The following CSGALNACT1 variants were observed in gnomAD, a reference collection of about 807,000 sequenced individuals.
CSGALNACT1 encodes the protein chondroitin sulfate N-acetylgalactosaminyltransferase 1.
Under a neutral mutation model 51.0 loss-of-function variants are expected in CSGALNACT1, and 52 were observed. The observed-to-expected ratio is 1.02, with a 90% CI of 0.82 to 1.29. The LOEUF (loss-of-function observed/expected upper bound fraction) is 1.29. Ranked by LOEUF, CSGALNACT1 falls within the 50% of genes most tolerant of loss-of-function variation. The pLI, the probability that CSGALNACT1 is intolerant of heterozygous loss-of-function variation, is 0.00. For missense variants in CSGALNACT1, 935 were observed against 679.2 expected (o/e 1.38, Z -4.19); for synonymous variants, 341 against 254.4 (o/e 1.34, Z -3.24).
intron 9 of CSGALNACT1, among the ~76,000 whole-genome samples, chr8:19,407,958 G>A (rs1375330585): frequency 6.6e-6 from 1 of 150,618 alleles, no homozygotes; most frequent in East Asian, 2.0e-4. Flanking sequence ...TGTATTGGCA[G>A]CAACTGCACA....
At chr8:19,555,714 A>T (rs1258707078) in intron 3 of CSGALNACT1, among the ~76,000 whole-genome samples, 2 of 152,148 alleles carry the variant, frequency 1.3e-5, no homozygotes, top group East Asian at 3.9e-4. Flanking sequence ...AGGTTCCAGG[A>T]TTATTGAGAT....
At chr8:19,572,002 A>G (rs764149612) in intron 3 of CSGALNACT1, among the ~76,000 whole-genome samples, 5 of 152,214 alleles carry the variant, frequency 3.3e-5, no homozygotes, top group African/African-American at 9.6e-5. Flanking sequence ...TCCCACATCA[A>G]TGGAACTTGC....
intron 4 of CSGALNACT1, among the ~76,000 whole-genome samples, chr8:19,481,406 G>A (rs2071364734): frequency 6.6e-6 from 1 of 152,056 alleles, no homozygotes; most frequent in Non-Finnish European, 1.5e-5. Context: ...ACATCCTAGG[G>A]CCTAACAAAT....
intron 3 of CSGALNACT1, among the ~76,000 whole-genome samples, chr8:19,539,676 G>A (rs182207469): frequency 6.6e-6 from 1 of 152,312 alleles, no homozygotes; most frequent in East Asian, 1.9e-4. Flanking sequence ...GGCCACAACA[G>A]GAGTATGCAC....
At chr8:19,585,142 G>T (rs1213264500) in intron 3 of CSGALNACT1, 1 of 152,198 alleles carries the variant, frequency 6.6e-6, no homozygotes, top group Non-Finnish European at 1.5e-5. Context: ...CATAGTGCTT[G>T]AACACTCACA....
At chr8:19,528,273 G>C (rs111535995) in intron 3 of CSGALNACT1, among the ~76,000 whole-genome samples, 1,796 of 148,086 alleles carry the variant, frequency 0.012, 37 homozygotes, top group African/African-American at 0.042. Context: ...GACTGAGAAA[G>C]AAAAAGAAAA....
intron 2 of CSGALNACT1, among the ~76,000 whole-genome samples, chr8:19,593,299 A>C: frequency 6.6e-6 from 1 of 152,252 alleles, no homozygotes; most frequent in East Asian, 1.9e-4. Flanking sequence ...AGGAACAGTG[A>C]AAAGAACTGA....
At chr8:19,753,882 G>A (rs1029463953) in intron 1 of CSGALNACT1, among the ~76,000 whole-genome samples, 11 of 152,274 alleles carry the variant, frequency 7.2e-5, no homozygotes, top group Middle Eastern at 3.4e-3. Flanking sequence ...ACACCTTGGA[G>A]TTGTTCAATA....
At position 19,667,100 on chromosome 8, in the gene CSGALNACT1, G is replaced by GAAAGAAAGAAAGAAAGAGAGA. The variant is rs1386376643; in HGVS notation, c.-544+15372_-544+15373insTCTCTCTTTCTTTCTTTCTTT. 5.5e-5 allele frequency among the ~76,000 whole-genome samples: 3 copies of GAAAGAAAGAAAGAAAGAGAGA among 54,102 alleles called. 1 individual carries two copies. Among genetic ancestry groups the GAAAGAAAGAAAGAAAGAGAGA allele is most frequent in the African/African-American group, 1.7e-4 (2 of 11,742 alleles). The allele number at this position is 54,102 out of a possible 152,430, so 35.5% of individuals were successfully genotyped here. ...GAAAGAAAGAAAGAAAGAAAGAAAG[G>GAAAGAAAGAAAGAAAGAGAGA]GAAAGAAATCTCATCACAATATCAA... is the stretch of plus-strand genomic sequence containing the variant. On this transcript the variant is annotated intron_variant, in intron 1 of 9. Transcript: ENST00000332246.
intron 1 of CSGALNACT1, among the ~76,000 whole-genome samples, chr8:19,627,758 G>A (rs988361783): frequency 6.6e-6 from 1 of 152,150 alleles, no homozygotes; most frequent in Non-Finnish European, 1.5e-5. Context: ...CTAGGAGTTC[G>A]AGGCTGCAGT....
chr8:19,578,511 T>A (rs957587618), intron 3 of CSGALNACT1, among the ~76,000 whole-genome samples: 1 of 152,222 alleles, frequency 6.6e-6, no homozygotes, highest in Non-Finnish European at 1.5e-5. Context: ...AGTGACTGTA[T>A]TTGGGGGTAG....
intron 5 of CSGALNACT1, chr8:19,457,379 G>A (rs2064327464): frequency 1.4e-5 from 5 of 345,044 alleles, no homozygotes; most frequent in Middle Eastern, 1.1e-3. Context: ...TTGAGAGGCC[G>A]AGGTGAGCAG....
At chr8:19,433,043 G>C (rs964378195) in intron 6 of CSGALNACT1, among the ~76,000 whole-genome samples, 3 of 151,946 alleles carry the variant, frequency 2.0e-5, no homozygotes, top group African/African-American at 4.8e-5. Context: ...ATGTATTATG[G>C]TAAGCCTAGA....
chr8:19,441,959 A>C (rs1230374249), intron 5 of CSGALNACT1, among the ~76,000 whole-genome samples: 2 of 152,270 alleles, frequency 1.3e-5, no homozygotes, highest in Admixed American at 1.3e-4. Context: ...CCAAAAACAC[A>C]TGAAAAAATG....
chr8:19,566,412 A>T (rs1489199612), intron 3 of CSGALNACT1, among the ~76,000 whole-genome samples: 2 of 152,108 alleles, frequency 1.3e-5, no homozygotes, highest in Non-Finnish European at 2.9e-5. Context: ...GAGAAAATAA[A>T]TTTTTTTGTT....
intron 5 of CSGALNACT1, among the ~76,000 whole-genome samples, chr8:19,440,608 A>G (rs2061162267): frequency 6.6e-6 from 1 of 152,202 alleles, no homozygotes; most frequent in South Asian, 2.1e-4. Flanking sequence ...CACAGCCAAT[A>G]TCATATTGAA....
At chr8:19,419,225 T>C (rs2057467863) in intron 7 of CSGALNACT1, among the ~76,000 whole-genome samples, 1 of 152,180 alleles carries the variant, frequency 6.6e-6, no homozygotes, top group South Asian at 2.1e-4. Flanking sequence ...CAGACAGTCA[T>C]ATCTGCAAAT....
intron 3 of CSGALNACT1, among the ~76,000 whole-genome samples, chr8:19,562,684 C>G (rs986217649): frequency 6.6e-6 from 1 of 152,156 alleles, no homozygotes. Flanking sequence ...AAGAAAAGCT[C>G]AACATCACTT....
intron 5 of CSGALNACT1, among the ~76,000 whole-genome samples, chr8:19,441,267 C>A (rs537287517): frequency 6.6e-6 from 1 of 152,332 alleles, no homozygotes; most frequent in African/African-American, 2.4e-5. Flanking sequence ...CCAAGTCAAT[C>A]CTAAGCCAAA....
Sources: gnomAD v4.1 joint callset for allele counts (sites outside exome capture counted in the v4.1 genomes callset) on GRCh38, gnomAD v4.1.1 for gene constraint, MANE v1.5 for transcripts, NCBI Gene and HGNC (gene_info 2026-07-23, HGNC 2026-07-21) for gene names.